Variants in DDHD1 observed in about 807,000 individuals in gnomAD.
DDHD1 encodes the protein DDHD domain containing 1.
In DDHD1, 49 loss-of-function variants were observed where a neutral mutation model predicts 96.4. The observed-to-expected ratio is 0.51, with a 90% CI of 0.40 to 0.64. The LOEUF (loss-of-function observed/expected upper bound fraction) is 0.64. Among genes scored for constraint, DDHD1 ranks in the 30% least tolerant of loss-of-function variants. The probability of loss-of-function intolerance (pLI) is 0.00; values close to 1 mark genes in which losing one functional copy is unlikely to be tolerated. For missense variants in DDHD1, 1,106 were observed against 1,161.2 expected (o/e 0.95, Z 0.69); for synonymous variants, 442 against 446.5 (o/e 0.99, Z 0.13).
chr14:53,114,868 G>A lies in DDHD1; in HGVS notation c.839-11012C>T, dbSNP rs372479750. Among the ~76,000 whole-genome samples, 8 of 152,316 alleles carry A rather than the reference G, an allele frequency of 5.3e-5. No homozygotes were observed. The East Asian group carries it at 1.3e-3, about 26-fold the overall frequency. ...CAGCAAGGTCACAAAACTGGATGGAGAATGAGATTGCCGAATTGACAGAAG... is the reference window on the plus strand; with the variant it reads ...CAGCAAGGTCACAAAACTGGATGGAAAATGAGATTGCCGAATTGACAGAAG... On this transcript the variant is annotated intron_variant, in intron 1 of 12. Transcript: ENST00000673822.
chr14:53,097,457 A>G (rs1886973168), intron 2 of DDHD1, among the ~76,000 whole-genome samples: 2 of 152,116 alleles, frequency 1.3e-5, no homozygotes, highest in African/African-American at 4.8e-5. Context: ...AACTGATGCA[A>G]TTTTCTTCAC....
chr14:53,048,115 CTTATT>C (rs1449842303), intron 12 of DDHD1, among the ~76,000 whole-genome samples: 1 of 152,086 alleles, frequency 6.6e-6, no homozygotes, highest in African/African-American at 2.4e-5. Context: ...TTAGTTAATG[CTTATT>C]TTAAATAGGT....
chr14:53,138,310 CAGG>C (rs1890383054), intron 1 of DDHD1, among the ~76,000 whole-genome samples: 1 of 152,074 alleles, frequency 6.6e-6, no homozygotes, highest in South Asian at 2.1e-4. Context: ...GAGGCTGAGG[CAGG>C]AGAATTGCTT....
chr14:53,113,413 A>G (rs1044455390), intron 1 of DDHD1, among the ~76,000 whole-genome samples: 5 of 139,038 alleles, frequency 3.6e-5, no homozygotes, highest in Admixed American at 7.3e-5. Flanking sequence ...AAAAAAAAAA[A>G]GTATGAGAAA....
chr14:53,137,525 G>C (rs139919661), intron 1 of DDHD1, among the ~76,000 whole-genome samples: 110 of 152,314 alleles, frequency 7.2e-4, no homozygotes, highest in African/African-American at 2.1e-3. Flanking sequence ...TTGGGAGGCA[G>C]AGGTTGCAGT....
chr14:53,098,377 A>C (rs1360822393), intron 2 of DDHD1, among the ~76,000 whole-genome samples: 1 of 152,044 alleles, frequency 6.6e-6, no homozygotes, highest in Non-Finnish European at 1.5e-5. Flanking sequence ...ATAACTCTGA[A>C]AGCACAAGAG....
chr14:53,116,512 T>A (rs142778832), intron 1 of DDHD1, among the ~76,000 whole-genome samples: 1 of 152,266 alleles, frequency 6.6e-6, no homozygotes, highest in African/African-American at 2.4e-5. Context: ...ATGGAAATCA[T>A]AACAAACAGT....
In DDHD1 at chr14:53,153,255, C is replaced by G. The variant is rs998669824; in HGVS notation, c.-157G>C. On this transcript the variant is annotated 5_prime_UTR_variant, in exon 1 of 13. Transcript: ENST00000673822. ...GGCAGCGGCGACCGCTCCGCCCCCA[C>G]GAGACCCGCAGCCGCCGCAGCTGCG... 1.9e-5 allele frequency: 11 copies of G among 594,282 alleles called. No homozygotes were observed. The highest frequency in any genetic ancestry group is 2.6e-5 in the Non-Finnish European group (10 of 389,692). 36.8% of individuals were successfully genotyped at this position (594,282 alleles called of 1,614,324 possible). A position where few individuals can be genotyped will look rare whatever the true frequency, so the allele number is the denominator to read the frequency against.
At chr14:53,147,114 T>A (rs1006067622) in intron 1 of DDHD1, among the ~76,000 whole-genome samples, 1 of 152,202 alleles carries the variant, frequency 6.6e-6, no homozygotes, top group Admixed American at 6.5e-5. Flanking sequence ...CTCCTTCTAG[T>A]TCTCCTCCCT....
At chr14:53,124,999 T>C (rs1889322090) in intron 1 of DDHD1, among the ~76,000 whole-genome samples, 1 of 152,126 alleles carries the variant, frequency 6.6e-6, no homozygotes, top group Admixed American at 6.5e-5. Flanking sequence ...GTGTCTCTCG[T>C]GTCTCTGTGT....
At chr14:53,079,676 C>T (rs1885284753) in intron 4 of DDHD1, among the ~76,000 whole-genome samples, 2 of 152,050 alleles carry the variant, frequency 1.3e-5, no homozygotes, top group African/African-American at 2.4e-5. Flanking sequence ...TTAAAATGTT[C>T]TCAACTTTGT....
rs1170959132 is a variant in DDHD1 at position 53,103,666 on chromosome 14, G to T, written c.1012+17C>A. 1.9e-6 allele frequency: 3 copies of T among 1,588,848 alleles called. No homozygotes were observed. Among genetic ancestry groups the T allele is most frequent in the South Asian group, 1.1e-5 (1 of 87,352 alleles). On this transcript the variant is annotated intron_variant, in intron 2 of 12. Coordinates refer to ENST00000673822, the MANE Select transcript of DDHD1 (RefSeq NM_001160148.2). ...ACTTGGTTTGTAGAATATATTAAAT[G>T]TATCAATTGATCTTACCATCTTTTC...
chr14:53,061,412 A>C (rs1215909047), intron 7 of DDHD1: 1 of 423,188 alleles, frequency 2.4e-6, no homozygotes, highest in Non-Finnish European at 4.1e-6. Flanking sequence ...GCTAGTTGTC[A>C]TGATACCTGC....
At chr14:53,075,820 C>T (rs528127556) in intron 4 of DDHD1, among the ~76,000 whole-genome samples, 1 of 152,226 alleles carries the variant, frequency 6.6e-6, no homozygotes, top group East Asian at 1.9e-4. Flanking sequence ...AAGAATTATG[C>T]TAAATCTACT....
At chr14:53,087,064 G>A (rs1337216956) in intron 4 of DDHD1, among the ~76,000 whole-genome samples, 3 of 149,862 alleles carry the variant, frequency 2.0e-5, no homozygotes, top group Non-Finnish European at 4.4e-5. Context: ...AGACAAAGAA[G>A]GACGTTACAT....
chr14:53,141,412 C>T (rs895597291), intron 1 of DDHD1, among the ~76,000 whole-genome samples: 6 of 152,136 alleles, frequency 3.9e-5, no homozygotes, highest in Non-Finnish European at 8.8e-5. Flanking sequence ...GTAAGGTCTT[C>T]GAACCCCTTG....
intron 9 of DDHD1, among the ~76,000 whole-genome samples, chr14:53,057,975 G>A (rs981031381): frequency 9.9e-5 from 15 of 151,760 alleles, no homozygotes; most frequent in South Asian, 4.2e-4. Context: ...TCAGCCTCCC[G>A]AGTAGCTGGG....
intron 1 of DDHD1, among the ~76,000 whole-genome samples, chr14:53,151,334 T>C (rs1313025231): frequency 6.6e-6 from 1 of 152,242 alleles, no homozygotes; most frequent in Non-Finnish European, 1.5e-5. Flanking sequence ...ATTATAATAC[T>C]GGTGGTCAGT....
chr14:53,089,905 G>A (rs1262023915), intron 4 of DDHD1, among the ~76,000 whole-genome samples: 1 of 152,176 alleles, frequency 6.6e-6, no homozygotes, highest in Non-Finnish European at 1.5e-5. Context: ...CTTCTGCACA[G>A]CAAGAGAAAC....
Sources: gnomAD v4.1 joint callset for allele counts (sites outside exome capture counted in the v4.1 genomes callset) on GRCh38, gnomAD v4.1.1 for gene constraint, MANE v1.5 for transcripts, NCBI Gene and HGNC (gene_info 2026-07-23, HGNC 2026-07-21) for gene names.